Variants in CACNA2D1 observed in about 807,000 individuals in gnomAD.
The protein encoded by CACNA2D1 is calcium voltage-gated channel auxiliary subunit alpha2delta 1, also known as voltage-dependent calcium channel subunit alpha-2/delta-1.
CACNA2D1 carries 53 observed loss-of-function variants against 171.5 expected under a neutral mutation model. The ratio of observed to expected loss-of-function variants is 0.31; its 90% CI spans 0.25 to 0.39. The LOEUF is 0.39. Among genes scored for constraint, CACNA2D1 ranks in the 10% least tolerant of loss-of-function variants. The pLI is 1.00. For synonymous variants in CACNA2D1, 442 were observed against 443.1 expected (o/e 1.00, Z 0.03); for missense variants, 903 against 1,299.8 (o/e 0.69, Z 4.69).
chr7:81,959,412 T>C (rs1029030428), intron 37 of CACNA2D1, 55 bp from the exon 38 acceptor site: 6 of 1,174,438 alleles, frequency 5.1e-6, no homozygotes, highest in African/African-American at 3.0e-5. Flanking sequence ...TGATTAAAAA[T>C]AAATACAATG....
intron 3 of CACNA2D1, among the ~76,000 whole-genome samples, chr7:82,250,849 A>AT (rs1805544804): frequency 6.6e-6 from 1 of 152,094 alleles, no homozygotes; most frequent in Non-Finnish European, 1.5e-5. Context: ...TATCACTAGC[A>AT]TTTTTCCCAG....
chr7:82,027,730 G>A (rs1562889804), intron 12 of CACNA2D1: 1 of 151,644 alleles, frequency 6.6e-6, no homozygotes, highest in African/African-American at 2.4e-5. Flanking sequence ...CTAACTTCAT[G>A]TCTCTGTCAC....
At chr7:82,387,884 C>A (rs1824594616) in intron 1 of CACNA2D1, among the ~76,000 whole-genome samples, 1 of 152,076 alleles carries the variant, frequency 6.6e-6, no homozygotes, top group South Asian at 2.1e-4. Context: ...AGTTCTAGAC[C>A]AGCCTAGGCA....
chr7:82,102,989 T>A (rs1300109493), intron 6 of CACNA2D1, among the ~76,000 whole-genome samples: 1 of 152,152 alleles, frequency 6.6e-6, no homozygotes, highest in South Asian at 2.1e-4. Context: ...TGACTTTTAA[T>A]AATTATTTAT....
intron 3 of CACNA2D1, among the ~76,000 whole-genome samples, chr7:82,180,825 T>TG (rs1400491206): frequency 6.6e-6 from 1 of 151,134 alleles, no homozygotes; most frequent in Non-Finnish European, 1.5e-5. Flanking sequence ...AGGTGGCAGG[T>TG]GGGGGGAAGA....
intron 3 of CACNA2D1, among the ~76,000 whole-genome samples, chr7:82,324,305 C>A (rs1357048147): frequency 6.7e-6 from 1 of 150,146 alleles, no homozygotes; most frequent in East Asian, 2.0e-4. Context: ...TTGCAGTGAG[C>A]CAAGATCGCG....
At chr7:82,345,717 T>TGTGTGTGTGTG (rs1819170960) in intron 2 of CACNA2D1, among the ~76,000 whole-genome samples, 3 of 150,526 alleles carry the variant, frequency 2.0e-5, no homozygotes, top group Non-Finnish European at 4.4e-5. Flanking sequence ...TGTGTGTGTG[T>TGTGTGTGTGTG]TTAGAAATAT....
chr7:82,147,955 C>T (rs1793337279), intron 4 of CACNA2D1, among the ~76,000 whole-genome samples: 1 of 152,102 alleles, frequency 6.6e-6, no homozygotes. Context: ...CACATATATA[C>T]AGTACTCCTT....
At chr7:82,037,479 CAAA>C (rs113083970) in intron 11 of CACNA2D1, among the ~76,000 whole-genome samples, 2 of 143,538 alleles carry the variant, frequency 1.4e-5, no homozygotes, top group African/African-American at 2.5e-5. Context: ...AACTCCATTT[CAAA>C]AAAAAAAAAG....
intron 3 of CACNA2D1, among the ~76,000 whole-genome samples, chr7:82,261,627 A>T (rs1370801309): frequency 2.0e-5 from 3 of 152,220 alleles, no homozygotes; most frequent in Non-Finnish European, 4.4e-5. Context: ...AGGATAAGCA[A>T]TCGTATCGCA....
At chr7:82,250,588 A>G (rs1318641876) in intron 3 of CACNA2D1, among the ~76,000 whole-genome samples, 1 of 152,186 alleles carries the variant, frequency 6.6e-6, no homozygotes, top group African/African-American at 2.4e-5. Flanking sequence ...CTAAGCTTCT[A>G]TTGTTATTGC....
chr7:82,090,233 T>C (rs1236696136), intron 6 of CACNA2D1, among the ~76,000 whole-genome samples: 5 of 152,236 alleles, frequency 3.3e-5, no homozygotes, highest in Admixed American at 6.5e-5. Flanking sequence ...TACTCATCTT[T>C]TAAAACTGAA....
At chr7:82,206,066 T>C (rs1394764537) in intron 3 of CACNA2D1, among the ~76,000 whole-genome samples, 17 of 152,124 alleles carry the variant, frequency 1.1e-4, no homozygotes, top group Admixed American at 1.1e-3. Flanking sequence ...ATGATTCTTC[T>C]ATTAATCATG....
At chr7:82,060,157 A>ATGTATG (rs1806477791) in intron 10 of CACNA2D1, among the ~76,000 whole-genome samples, 1 of 35,130 alleles carries the variant, frequency 2.8e-5, no homozygotes, top group Non-Finnish European at 5.4e-5. Flanking sequence ...TATGTATTAT[A>ATGTATG]TATATATAAT....
intron 3 of CACNA2D1, among the ~76,000 whole-genome samples, chr7:82,190,773 G>C: frequency 6.6e-6 from 1 of 151,558 alleles, no homozygotes; most frequent in East Asian, 1.9e-4. Context: ...TTAGAGACTG[G>C]AAGGGATCTT....
chr7:82,344,209 T>C (rs1362029521), intron 2 of CACNA2D1, among the ~76,000 whole-genome samples: 1 of 152,132 alleles, frequency 6.6e-6, no homozygotes, highest in Non-Finnish European at 1.5e-5. Context: ...GTTATGATAA[T>C]CACAAGTATT....
intron 2 of CACNA2D1, among the ~76,000 whole-genome samples, chr7:82,343,839 T>C (rs1818952307): frequency 6.6e-6 from 1 of 152,220 alleles, no homozygotes; most frequent in African/African-American, 2.4e-5. Context: ...GTGAGCTGCC[T>C]GTTTAATGTC....
At chr7:82,300,032 C>T (rs758102719) in intron 3 of CACNA2D1, among the ~76,000 whole-genome samples, 1 of 152,078 alleles carries the variant, frequency 6.6e-6, no homozygotes, top group Non-Finnish European at 1.5e-5. Context: ...CATGACCGAT[C>T]TGTGATCATT....
Position 82,150,276 on chromosome 7 carries a change from CAACAACAAAA to C in CACNA2D1, c.355-13610_355-13601del, listed in dbSNP as rs1563122982. On this transcript the variant is annotated intron_variant, in intron 4 of 38. Coordinates refer to ENST00000356860, the MANE Select transcript of CACNA2D1 (RefSeq NM_000722.4). ...TCAAATTAAAAAAAAAAAACAAAAA[CAACAACAAAA>C]AAAAACACCCTAGTAGCTGGGTTCA... Among the ~76,000 whole-genome samples, 3 of 76,960 alleles carry C rather than the reference CAACAACAAAA, an allele frequency of 3.9e-5. 1 individual carries two copies. The highest frequency in any genetic ancestry group is 2.3e-4 in the African/African-American group (3 of 13,000). The allele number at this position is 76,960 out of a possible 152,430, so 50.5% of individuals were successfully genotyped here.
Sources: gnomAD v4.1 joint callset for allele counts (sites outside exome capture counted in the v4.1 genomes callset) on GRCh38, gnomAD v4.1.1 for gene constraint, MANE v1.5 for transcripts, NCBI Gene and HGNC (gene_info 2026-07-23, HGNC 2026-07-21) for gene names.